The following SLC5A4 variants were observed in gnomAD, a reference collection of about 807,000 sequenced individuals.
SLC5A4 encodes the protein probable glucose sensor protein SLC5A4.
A neutral mutation model predicts 70.3 loss-of-function variants in SLC5A4; 55 were observed. The observed-to-expected ratio is 0.78, with a 90% CI of 0.63 to 0.98. The LOEUF (loss-of-function observed/expected upper bound fraction) is 0.98. Ranked by LOEUF, SLC5A4 falls within the 50% of genes least tolerant of loss-of-function variation. SLC5A4 has a pLI of 0.00. For missense variants in SLC5A4, 735 were observed against 839.2 expected (o/e 0.88, Z 1.53); for synonymous variants, 268 against 305.7 (o/e 0.88, Z 1.29).
the SLC5A4 span, chr22:32,269,991 C>A: frequency 2.0e-6 from 1 of 508,290 alleles, no homozygotes. This position sits in a 1 kb window ranked among gnomAD's most constrained non-coding sequence, Gnocchi z 4.1. Flanking sequence ...CTCTCCTCCT[C>A]AAGTACACCG....
At chr22:32,325,481 A>G in the SLC5A4 span, among the ~76,000 whole-genome samples, 1 of 152,204 alleles carries the variant, frequency 6.6e-6, no homozygotes, top group Admixed American at 6.5e-5. Context: ...GGCCATTCAG[A>G]GGATCACAAG....
At chr22:32,287,373 CCTT>C in the SLC5A4 span, among the ~76,000 whole-genome samples, 1 of 152,158 alleles carries the variant, frequency 6.6e-6, no homozygotes, top group Non-Finnish European at 1.5e-5. Flanking sequence ...AATGAAGAAA[CCTT>C]CTCTAACGAG....
At chr22:32,289,028 T>C in the SLC5A4 span, among the ~76,000 whole-genome samples, 172 of 152,248 alleles carry the variant, frequency 1.1e-3, no homozygotes, top group East Asian at 0.017. Context: ...GCTGGGACCA[T>C]GGGCTTGCTT....
chr22:32,231,051 G>C lies in SLC5A4; in HGVS notation c.1046C>G (p.Ser349Cys), dbSNP rs768694983. ...YTDMVACVVP[S>C]ECVKHCGVDV... ...AACGCCACAGTGTTTCACGCATTCA[G>C]AAGGTACCACACATGCTACCATATC... is the stretch of plus-strand genomic sequence containing the variant. Residue 349 changes from serine to cysteine, a missense_variant, in exon 10 of 15, where the codon TCT becomes TGT. Transcript: ENST00000266086. The C allele has an allele frequency of 1.9e-6, 3 of 1,613,618 alleles. No homozygotes were observed. The highest frequency in any genetic ancestry group is 2.5e-6 in the Non-Finnish European group (3 of 1,179,512).
At chr22:32,299,363 C>CT in the SLC5A4 span, among the ~76,000 whole-genome samples, 7 of 144,082 alleles carry the variant, frequency 4.9e-5, no homozygotes, top group Non-Finnish European at 9.1e-5. Flanking sequence ...TCTTTTTATT[C>CT]TTTTTTCTCT....
the SLC5A4 span, among the ~76,000 whole-genome samples, chr22:32,325,055 C>T: frequency 9.8e-5 from 15 of 152,370 alleles, no homozygotes; most frequent in Admixed American, 5.2e-4. Context: ...CACGTGTCCT[C>T]CTAGGCACTC....
the SLC5A4 span, among the ~76,000 whole-genome samples, chr22:32,274,336 G>A: frequency 3.3e-5 from 5 of 152,112 alleles, no homozygotes; most frequent in South Asian, 4.1e-4. Flanking sequence ...CACTGCGCCC[G>A]GCCCAACATT....
the SLC5A4 span, among the ~76,000 whole-genome samples, chr22:32,290,021 T>G: frequency 4.6e-5 from 7 of 152,320 alleles, no homozygotes; most frequent in East Asian, 5.8e-4. Context: ...GAGCTTATGA[T>G]TGGCATGATC....
At chr22:32,230,515 C>G (rs1925686199) in intron 10 of SLC5A4, among the ~76,000 whole-genome samples, 2 of 152,080 alleles carry the variant, frequency 1.3e-5, no homozygotes, top group African/African-American at 4.8e-5. Flanking sequence ...TAAATAGTTG[C>G]AGATTAAATA....
the SLC5A4 span, among the ~76,000 whole-genome samples, chr22:32,294,452 T>C: frequency 3.3e-5 from 5 of 152,140 alleles, no homozygotes; most frequent in African/African-American, 1.2e-4. Flanking sequence ...AAAACTACAT[T>C]ACAATATCAC....
intron 3 of SLC5A4, among the ~76,000 whole-genome samples, chr22:32,249,474 G>A (rs1341951470): frequency 2.0e-5 from 3 of 152,136 alleles, no homozygotes; most frequent in Admixed American, 2.0e-4. Flanking sequence ...GGTGTCCATG[G>A]CACTATTAAA....
At chr22:32,230,910 C>G in intron 10 of SLC5A4, 58 bp downstream of exon 10, 1 of 1,037,184 alleles carries the variant, frequency 9.6e-7, no homozygotes, top group Non-Finnish European at 1.5e-6. Context: ...CATAACCCTT[C>G]CTCGAGGCCC....
upstream of SLC5A4, among the ~76,000 whole-genome samples, chr22:32,259,640 CT>C (rs1927657207): frequency 6.6e-6 from 1 of 152,108 alleles, no homozygotes; most frequent in African/African-American, 2.4e-5. Flanking sequence ...ATAAAGGACA[CT>C]GCTGTGTATT....
chr22:32,305,638 G>A, the SLC5A4 span, among the ~76,000 whole-genome samples: 34 of 138,446 alleles, frequency 2.5e-4, 3 homozygotes, highest in South Asian at 1.9e-3. Flanking sequence ...TCCTGCTGGC[G>A]GGTGGGGCCA....
the SLC5A4 span, among the ~76,000 whole-genome samples, chr22:32,305,128 T>C: frequency 6.6e-6 from 1 of 152,370 alleles, no homozygotes; most frequent in South Asian, 2.1e-4. Context: ...TTTCAACTCA[T>C]GTACCGAGAC....
At chr22:32,307,827 A>C in the SLC5A4 span, among the ~76,000 whole-genome samples, 6 of 152,348 alleles carry the variant, frequency 3.9e-5, no homozygotes, top group African/African-American at 1.4e-4. Context: ...GGCGTCATCC[A>C]GGCATGGCCT....
chr22:32,324,317 GA>G, the SLC5A4 span, among the ~76,000 whole-genome samples: 22 of 145,106 alleles, frequency 1.5e-4, no homozygotes, highest in Non-Finnish European at 3.1e-4. Context: ...TTCTCTTGCA[GA>G]AAATGAAATA....
chr22:32,351,071 G>A, the SLC5A4 span, among the ~76,000 whole-genome samples: 6 of 152,094 alleles, frequency 3.9e-5, no homozygotes, highest in Non-Finnish European at 8.8e-5. Context: ...TTTTCCTGTT[G>A]CAACGATGTG....
the SLC5A4 span, among the ~76,000 whole-genome samples, chr22:32,274,038 T>C: frequency 6.9e-6 from 1 of 145,418 alleles, no homozygotes; most frequent in East Asian, 2.1e-4. Flanking sequence ...CATTTGATAT[T>C]CTATTTTTTT....
Sources: gnomAD v4.1 joint callset for allele counts (sites outside exome capture counted in the v4.1 genomes callset) on GRCh38, gnomAD v4.1.1 for gene constraint, Gnocchi (gnomAD v3.1) non-coding constraint, MANE v1.5 for transcripts, NCBI Gene and HGNC (gene_info 2026-07-23, HGNC 2026-07-21) for gene names.